CFAP58: variants seen among roughly 807,000 people sequenced by gnomAD.
CFAP58 encodes the protein cilia and flagella associated protein 58.
CFAP58 carries 88 observed loss-of-function variants against 119.5 expected under a neutral mutation model. The observed-to-expected ratio is 0.74, with a 90% CI of 0.62 to 0.88. The LOEUF (loss-of-function observed/expected upper bound fraction) is 0.88. CFAP58 is among the 40% of genes least tolerant of loss of function. The probability of loss-of-function intolerance (pLI) is 0.00; values close to 1 mark genes in which losing one functional copy is unlikely to be tolerated. For missense variants in CFAP58, 990 were observed against 1,021.2 expected (o/e 0.97, Z 0.42); for synonymous variants, 365 against 366.3 (o/e 1.00, Z 0.04).
At chr10:104,418,709 A>G (rs1054238403) in intron 15 of CFAP58, among the ~76,000 whole-genome samples, 2 of 152,210 alleles carry the variant, frequency 1.3e-5, no homozygotes, top group South Asian at 2.1e-4. Context: ...TCAGTTATTA[A>G]GGAACTGCTT....
intron 17 of CFAP58, among the ~76,000 whole-genome samples, chr10:104,452,287 G>T (rs1589941650): frequency 6.6e-6 from 1 of 151,584 alleles, no homozygotes; most frequent in Admixed American, 6.6e-5. Context: ...AGAAATGAAA[G>T]AAAATAATCA....
chr10:104,402,606 G>A (rs1373686242), intron 13 of CFAP58, among the ~76,000 whole-genome samples: 2 of 152,178 alleles, frequency 1.3e-5, no homozygotes, highest in Non-Finnish European at 2.9e-5. Flanking sequence ...CAACACTGAG[G>A]ATGGCTGTCA....
intron 1 of CFAP58, among the ~76,000 whole-genome samples, chr10:104,358,080 TATATACACACATATATATGTAC>T (rs1236529870): frequency 1.3e-5 from 2 of 149,314 alleles, no homozygotes; most frequent in African/African-American, 5.0e-5. Context: ...TATGTACATA[TATATACACACATATATATGTAC>T]ATATATACAC....
chr10:104,427,674 G>A (rs1356656213), intron 15 of CFAP58, among the ~76,000 whole-genome samples: 2 of 152,166 alleles, frequency 1.3e-5, no homozygotes, highest in African/African-American at 4.8e-5. Context: ...TCCCTACAGA[G>A]AATGTGCACC....
intron 17 of CFAP58, among the ~76,000 whole-genome samples, chr10:104,450,703 TTATTTATTTTTGA>T (rs2013181628): frequency 1.4e-5 from 2 of 144,394 alleles, no homozygotes; most frequent in East Asian, 2.0e-4. Context: ...ATTTATTTAT[TTATTTATTTTTGA>T]TTTTTTTTTG....
In CFAP58 at chr10:104,380,360, G is replaced by C; in HGVS notation, c.1365+140G>C. On this transcript the variant is annotated intron_variant, in intron 9 of 17. Coordinates refer to ENST00000369704, the MANE Select transcript of CFAP58 (RefSeq NM_001008723.2). ...GTGAAGATTTGGGAGGAACGATGTG[G>C]ACAAAATATAAGCTGTTTCCGAGCT... 3 of 801,134 alleles carry C rather than the reference G, an allele frequency of 3.7e-6. No homozygotes were observed. The East Asian group carries it at 8.0e-5, about 21-fold the overall frequency. 49.6% of individuals were successfully genotyped at this position (801,134 alleles called of 1,614,324 possible).
intron 7 of CFAP58, among the ~76,000 whole-genome samples, chr10:104,372,082 G>A (rs1253783794): frequency 2.0e-5 from 3 of 152,180 alleles, no homozygotes; most frequent in East Asian, 3.9e-4. Context: ...GCAAAGCACG[G>A]TGTCTCATGC....
chr10:104,386,383 A>AT (rs912181526), intron 9 of CFAP58, among the ~76,000 whole-genome samples: 1 of 149,814 alleles, frequency 6.7e-6, no homozygotes, highest in African/African-American at 2.4e-5. Flanking sequence ...ATCTCAAAAA[A>AT]AAAAAAATAA....
chr10:104,385,543 G>T (rs905461154), intron 9 of CFAP58, among the ~76,000 whole-genome samples: 1 of 152,182 alleles, frequency 6.6e-6, no homozygotes, highest in Non-Finnish European at 1.5e-5. Context: ...CAGGCCAGGT[G>T]TGGTGGCTCA....
chr10:104,450,144 A>T lies in CFAP58; in HGVS notation c.2450A>T (p.Asn817Ile). ...EYKYEVEKLT[N>I]ELQNLKKKYL... is the part of the protein sequence containing the mutation. ...AAATATGAGGTAGAGAAACTTACCA[A>T]TGAGCTCCAGAATTTAAAGAAGAAA... Residue 817 changes from asparagine (N) to isoleucine (I), a missense_variant, in exon 17 of 18, where the codon AAT becomes ATT. By Grantham distance (149) the Asn-to-Ile change is moderately radical (BLOSUM62 -3). Coordinates refer to ENST00000369704, the MANE Select transcript of CFAP58 (RefSeq NM_001008723.2). 6.2e-7 allele frequency: 1 copy of T among 1,613,642 alleles called. No individual in the cohort carries two copies. The highest frequency in any genetic ancestry group is 1.1e-5 in the South Asian group (1 of 90,970).
intron 15 of CFAP58, among the ~76,000 whole-genome samples, chr10:104,436,493 C>T (rs192624073): frequency 1.7e-3 from 260 of 152,174 alleles, no homozygotes; most frequent in African/African-American, 5.4e-3. Flanking sequence ...GAGGCCTCAG[C>T]GAGCTTTTTC....
At chr10:104,421,243 G>A (rs2012653326) in intron 15 of CFAP58, among the ~76,000 whole-genome samples, 1 of 152,152 alleles carries the variant, frequency 6.6e-6, no homozygotes, top group Non-Finnish European at 1.5e-5. Flanking sequence ...CCTATGACAA[G>A]AAATGAATTT....
rs191170557 is a variant in CFAP58, at chr10:104,357,800, T to C, written c.10-541T>C. Among the ~76,000 whole-genome samples the C allele has an allele frequency of 2.3e-3, 331 of 141,992 alleles. 3 individuals carry two copies. The highest frequency in any genetic ancestry group is 3.9e-3 in the African/African-American group (127 of 32,732). The allele number at this position is 141,992 out of a possible 152,430, so 93.2% of individuals were successfully genotyped here. ...ATATGTGTGTTTATATACATATATA[T>C]ACACACATATATATGTACATATATA... On this transcript the variant is annotated intron_variant, in intron 1 of 17. Transcript: ENST00000369704.
At chr10:104,414,581 G>A (rs1215627689) in intron 15 of CFAP58, among the ~76,000 whole-genome samples, 1 of 151,430 alleles carries the variant, frequency 6.6e-6, no homozygotes, top group Non-Finnish European at 1.5e-5. Context: ...GCTGTGTTCT[G>A]TGGGGCAGGG....
At position 104,353,883 on chromosome 10, in the gene CFAP58, C is replaced by G. The variant is rs1388109756; in HGVS notation, c.-15C>G. 4 of 1,613,048 alleles carry G rather than the reference C, an allele frequency of 2.5e-6. No homozygotes were observed. The East Asian group carries it at 6.7e-5, about 27-fold the overall frequency. On this transcript the variant is annotated 5_prime_UTR_variant, in exon 1 of 18. Coordinates refer to ENST00000369704, the MANE Select transcript of CFAP58 (RefSeq NM_001008723.2). ...TCCACAGCAGCCTCTGAGGCCGCCCCCAGAGAGCATCAGGATGGCTGAGGT... is the reference window on the plus strand; with the variant it reads ...TCCACAGCAGCCTCTGAGGCCGCCCGCAGAGAGCATCAGGATGGCTGAGGT...
chr10:104,371,204 T>A (rs1296635417), intron 7 of CFAP58, 150 bp downstream of exon 7: 2 of 624,210 alleles, frequency 3.2e-6, no homozygotes, highest in Non-Finnish European at 5.1e-6. Flanking sequence ...CAATATGGGG[T>A]GGGGTGGGGG....
chr10:104,393,519 C>T (rs2012094190), intron 11 of CFAP58, 44 bp downstream of exon 11: 4 of 1,562,124 alleles, frequency 2.6e-6, no homozygotes, highest in Non-Finnish European at 3.5e-6. Flanking sequence ...AGTTCATCAG[C>T]CCGCTCAGGC....
At chr10:104,443,776 T>C (rs1307844207) in intron 15 of CFAP58, among the ~76,000 whole-genome samples, 1 of 152,188 alleles carries the variant, frequency 6.6e-6, no homozygotes, top group East Asian at 1.9e-4. Context: ...CTTATTTGCA[T>C]AGGCTGTTCA....
chr10:104,390,969 A>C (rs1400477326), intron 9 of CFAP58, among the ~76,000 whole-genome samples: 2 of 152,240 alleles, frequency 1.3e-5, no homozygotes, highest in Non-Finnish European at 2.9e-5. Context: ...CACCTGTAAA[A>C]AAATTTTGAA....
Sources: gnomAD v4.1 joint callset for allele counts (sites outside exome capture counted in the v4.1 genomes callset) on GRCh38, gnomAD v4.1.1 for gene constraint, MANE v1.5 for transcripts, NCBI Gene and HGNC (gene_info 2026-07-23, HGNC 2026-07-21) for gene names.